PTPRD: variants seen among roughly 807,000 people sequenced by gnomAD.
PTPRD encodes the protein receptor-type tyrosine-protein phosphatase delta.
In PTPRD, 34 loss-of-function variants were observed where a neutral mutation model predicts 214.5. The ratio of observed to expected loss-of-function variants is 0.16; its 90% confidence interval spans 0.12 to 0.21. The LOEUF is 0.21. PTPRD is among the 10% of genes least tolerant of loss of function. PTPRD has a pLI of 1.00. For synonymous variants in PTPRD, 1,128 were observed against 845.7 expected, an observed-to-expected ratio of 1.33 and a Z score of -5.79; for missense variants, 2,545 against 2,398.7, an observed-to-expected ratio of 1.06 and a Z score of -1.27.
chr9:9,607,162 T>G (rs896244349), intron 7 of PTPRD, among the ~76,000 whole-genome samples: 7 of 152,022 alleles, frequency 4.6e-5, no homozygotes, highest in African/African-American at 1.7e-4. Context: ...CAAAGCCCTC[T>G]GAGGGTGAGG....
At chr9:10,532,768 G>T (rs191575064) in intron 2 of PTPRD, among the ~76,000 whole-genome samples, 183 of 151,780 alleles carry the variant, frequency 1.2e-3, no homozygotes, top group Non-Finnish European at 2.3e-3. Context: ...TGCTTTGTGT[G>T]TAAGGACTCT....
intron 39 of PTPRD, among the ~76,000 whole-genome samples, chr9:8,347,092 A>T (rs4105731): frequency 1.1e-4 from 17 of 151,880 alleles, no homozygotes; most frequent in African/African-American, 2.4e-4. Flanking sequence ...CTGCGGATAG[A>T]GGGGGACTAC....
intron 2 of PTPRD, among the ~76,000 whole-genome samples, chr9:10,464,407 A>C (rs1267646858): frequency 7.3e-6 from 1 of 137,586 alleles, no homozygotes; most frequent in African/African-American, 2.6e-5. Context: ...AGAGAGATAG[A>C]GAGACAGAGA....
intron 4 of PTPRD, among the ~76,000 whole-genome samples, chr9:9,946,164 G>A (rs899550891): frequency 4.0e-4 from 58 of 145,374 alleles, no homozygotes; most frequent in African/African-American, 1.5e-3. Context: ...AAGATAATAA[G>A]GCTTTGTGGT....
intron 10 of PTPRD, among the ~76,000 whole-genome samples, chr9:9,133,346 C>A (rs115630611): frequency 6.6e-6 from 1 of 152,054 alleles, no homozygotes; most frequent in Non-Finnish European, 1.5e-5. Flanking sequence ...ACCTGCTCCC[C>A]GGGGACATTT....
chr9:9,658,804 G>A (rs1301963504), intron 7 of PTPRD, among the ~76,000 whole-genome samples: 1 of 152,000 alleles, frequency 6.6e-6, no homozygotes. Flanking sequence ...TGCTTTATAA[G>A]CATTATCTTA....
intron 10 of PTPRD, among the ~76,000 whole-genome samples, chr9:9,049,139 T>A (rs1242301435): frequency 6.6e-6 from 1 of 152,192 alleles, no homozygotes; most frequent in Non-Finnish European, 1.5e-5. Context: ...TTTGCTTCCT[T>A]GTAAAACCTA....
intron 3 of PTPRD, among the ~76,000 whole-genome samples, chr9:10,337,306 T>A (rs1260260760): frequency 6.6e-6 from 1 of 151,722 alleles, no homozygotes; most frequent in Non-Finnish European, 1.5e-5. Flanking sequence ...TGAGTATACA[T>A]GTATATATAG....
chr9:8,441,013 G>A (rs376235072), intron 34 of PTPRD, among the ~76,000 whole-genome samples: 3 of 152,240 alleles, frequency 2.0e-5, no homozygotes, highest in African/African-American at 7.2e-5. Flanking sequence ...CGGCATTTGC[G>A]ATCTTCTAAA....
At chr9:9,245,457 G>A (rs964868012) in intron 9 of PTPRD, among the ~76,000 whole-genome samples, 3 of 152,112 alleles carry the variant, frequency 2.0e-5, no homozygotes, top group South Asian at 2.1e-4. Flanking sequence ...TGATGAGTTC[G>A]TGTCCTTTGT....
intron 2 of PTPRD, among the ~76,000 whole-genome samples, chr9:10,410,420 A>G (rs1420059791): frequency 1.3e-5 from 2 of 151,144 alleles, no homozygotes; most frequent in Non-Finnish European, 3.0e-5. Flanking sequence ...TATGACTCTC[A>G]GCAGTAAGCT....
intron 3 of PTPRD, among the ~76,000 whole-genome samples, chr9:10,092,253 T>C (rs920688014): frequency 1.3e-5 from 2 of 151,414 alleles, no homozygotes; most frequent in Non-Finnish European, 3.0e-5. Context: ...AAAATGCCCA[T>C]TTAGATATAT....
At chr9:8,749,782 C>T (rs1382168531) in intron 11 of PTPRD, among the ~76,000 whole-genome samples, 1 of 152,106 alleles carries the variant, frequency 6.6e-6, no homozygotes, top group Non-Finnish European at 1.5e-5. Flanking sequence ...GTGATAGGGA[C>T]AAGAGACTTA....
intron 42 of PTPRD, among the ~76,000 whole-genome samples, chr9:8,339,542 T>C (rs1850381875): frequency 6.6e-6 from 1 of 152,118 alleles, no homozygotes; most frequent in Non-Finnish European, 1.5e-5. Flanking sequence ...CCCAGTCCAT[T>C]TTAATGACTT....
intron 9 of PTPRD, among the ~76,000 whole-genome samples, chr9:9,320,543 A>G (rs1351859595): frequency 1.3e-5 from 2 of 152,152 alleles, no homozygotes; most frequent in African/African-American, 4.8e-5. Flanking sequence ...TTACATCTGT[A>G]GTACACACCA....
At chr9:8,568,319 C>T (rs905327756) in intron 14 of PTPRD, among the ~76,000 whole-genome samples, 10 of 151,960 alleles carry the variant, frequency 6.6e-5, no homozygotes, top group African/African-American at 2.2e-4. Flanking sequence ...TGGCAGATTC[C>T]TCCCTCCCTC....
intron 5 of PTPRD, among the ~76,000 whole-genome samples, chr9:9,851,037 C>A (rs370818089): frequency 6.6e-6 from 1 of 152,192 alleles, no homozygotes; most frequent in Non-Finnish European, 1.5e-5. Context: ...TTTAACCTAA[C>A]TTCAGATTCT....
In PTPRD at chr9:9,759,421, G is replaced by A. The variant is rs141309302; in HGVS notation, c.-326+7389C>T. 2.1e-4 allele frequency among the ~76,000 whole-genome samples: 32 copies of A among 152,258 alleles called. 1 individual carries two copies. In the East Asian group the frequency reaches 5.2e-3, roughly 25 times the overall value. ...GCTAGTACAGCTGAGGAGCCTCCCA[G>A]TCCCTGCTCTACTGAGTGGAGTTCT... On this transcript the variant is annotated intron_variant, in intron 6 of 45. Coordinates refer to ENST00000381196, the MANE Select transcript of PTPRD (RefSeq NM_002839.4).
intron 3 of PTPRD, among the ~76,000 whole-genome samples, chr9:10,175,468 C>A (rs1345224773): frequency 6.6e-6 from 1 of 151,784 alleles, no homozygotes; most frequent in African/African-American, 2.4e-5. Context: ...AATATGGTTA[C>A]CTTAAGATAT....
Sources: gnomAD v4.1 joint callset for allele counts (sites outside exome capture counted in the v4.1 genomes callset) on GRCh38, gnomAD v4.1.1 for gene constraint, MANE v1.5 for transcripts, NCBI Gene and HGNC (gene_info 2026-07-23, HGNC 2026-07-21) for gene names.